HS3ST2: variants seen among roughly 807,000 people sequenced by gnomAD.
HS3ST2 encodes heparan sulfate-glucosamine 3-sulfotransferase 2.
In HS3ST2, 17 loss-of-function variants were observed where a neutral mutation model predicts 26.3. The observed-to-expected ratio is 0.65, with a 90% CI of 0.44 to 0.97. HS3ST2 has a LOEUF of 0.97. Ranked by LOEUF, HS3ST2 falls within the 50% of genes least tolerant of loss-of-function variation. The probability of loss-of-function intolerance (pLI) is 0.00; values close to 1 mark genes in which losing one functional copy is unlikely to be tolerated. For missense variants in HS3ST2, 402 were observed against 501.2 expected (o/e 0.80, Z 1.89); for synonymous variants, 237 against 219.2 (o/e 1.08, Z -0.72).
chr16:22,915,433 C>T lies in HS3ST2; in HGVS notation c.975C>T (p.Cys325=), dbSNP rs748572907. 6 of 1,613,668 alleles carry T rather than the reference C, an allele frequency of 3.7e-6. No homozygotes were observed. Among genetic ancestry groups the T allele is most frequent in the Non-Finnish European group, 4.2e-6 (5 of 1,179,882 alleles). The change falls in exon 2 of 2, where the codon TGC becomes TGT. Residue 325 remains cysteine (C), a synonymous_variant. Transcript: ENST00000261374. Reference sequence around the variant, plus strand: ...CAGAATCGAGCCTCCTGCCTCGATGCTTGGGCAAATCAAAAGGGAGAACTC... The same window carrying T: ...CAGAATCGAGCCTCCTGCCTCGATGTTTGGGCAAATCAAAAGGGAGAACTC... ...KKTESSLLPR[C]LGKSKGRTHV...
At chr16:22,819,420 G>A (rs1397828799) in intron 1 of HS3ST2, among the ~76,000 whole-genome samples, 2 of 152,102 alleles carry the variant, frequency 1.3e-5, no homozygotes, top group East Asian at 1.9e-4. Flanking sequence ...GACTCTTCAG[G>A]GTCATCTTTT....
At chr16:22,889,824 C>T (rs974165636) in intron 1 of HS3ST2, among the ~76,000 whole-genome samples, 2 of 152,112 alleles carry the variant, frequency 1.3e-5, no homozygotes, top group African/African-American at 4.8e-5. Context: ...AGGTTTCTAC[C>T]ACAACCAGGA....
At chr16:22,886,839 C>A (rs1324479809) in intron 1 of HS3ST2, among the ~76,000 whole-genome samples, 4 of 151,960 alleles carry the variant, frequency 2.6e-5, no homozygotes, top group Non-Finnish European at 4.4e-5. Flanking sequence ...TGATTCACTG[C>A]AGCCTGAAGC....
At chr16:22,907,588 A>C (rs1344978799) in intron 1 of HS3ST2, among the ~76,000 whole-genome samples, 2 of 152,254 alleles carry the variant, frequency 1.3e-5, no homozygotes, top group East Asian at 3.8e-4. Context: ...AGAGTTAAGA[A>C]TGATTCTGAA....
At chr16:22,903,847 A>G (rs1285069127) in intron 1 of HS3ST2, among the ~76,000 whole-genome samples, 1 of 152,216 alleles carries the variant, frequency 6.6e-6, no homozygotes, top group African/African-American at 2.4e-5. Context: ...TAGAAGAGGC[A>G]GAAGGACAGC....
intron 1 of HS3ST2, among the ~76,000 whole-genome samples, chr16:22,900,067 TC>T (rs1902263319): frequency 6.6e-6 from 1 of 152,194 alleles, no homozygotes; most frequent in African/African-American, 2.4e-5. Context: ...TCAGGAAGCT[TC>T]TTGCACAGGT....
intron 1 of HS3ST2, among the ~76,000 whole-genome samples, chr16:22,825,261 T>C (rs1210464762): frequency 2.6e-5 from 4 of 152,186 alleles, no homozygotes; most frequent in African/African-American, 4.8e-5. Context: ...GAAGATTCAA[T>C]GAACAATTAC....
intron 1 of HS3ST2, among the ~76,000 whole-genome samples, chr16:22,832,348 A>G (rs898647720): frequency 2.0e-5 from 3 of 152,096 alleles, no homozygotes; most frequent in Admixed American, 6.6e-5. Context: ...CCCTGATTAT[A>G]GAACTCAGCA....
intron 1 of HS3ST2, among the ~76,000 whole-genome samples, chr16:22,900,967 T>C (rs1442471235): frequency 2.0e-5 from 3 of 151,900 alleles, no homozygotes; most frequent in African/African-American, 7.3e-5. Flanking sequence ...CAGGAGCAGG[T>C]GAAGGGATAG....
chr16:22,847,802 G>GAGA (rs1901460045), intron 1 of HS3ST2, among the ~76,000 whole-genome samples: 1 of 149,932 alleles, frequency 6.7e-6, no homozygotes, highest in East Asian at 2.0e-4. Flanking sequence ...TAAGAAAGAG[G>GAGA]AGAAGGAGGA....
intron 1 of HS3ST2, among the ~76,000 whole-genome samples, chr16:22,835,760 A>G (rs1431597262): frequency 6.6e-6 from 1 of 152,216 alleles, no homozygotes; most frequent in Non-Finnish European, 1.5e-5. Context: ...GCAGTTGTAC[A>G]ACATATTGAA....
chr16:22,833,110 A>G (rs1280378618), intron 1 of HS3ST2, among the ~76,000 whole-genome samples: 1 of 152,190 alleles, frequency 6.6e-6, no homozygotes, highest in Non-Finnish European at 1.5e-5. Flanking sequence ...ATGGGCCACC[A>G]ATGGTGTTGA....
intron 1 of HS3ST2, among the ~76,000 whole-genome samples, chr16:22,882,890 G>T (rs1248424354): frequency 6.6e-6 from 1 of 151,706 alleles, no homozygotes; most frequent in East Asian, 1.9e-4. Context: ...AGTTAGCCAG[G>T]CGTGGTGGTG....
At position 22,915,557 on chromosome 16, in the gene HS3ST2, G is replaced by A. The variant is rs1339444492; in HGVS notation, c.1099G>A (p.Glu367Lys). 1.2e-6 allele frequency: 2 copies of A among 1,610,396 alleles called. No homozygotes were observed. Among genetic ancestry groups the A allele is most frequent in the Admixed American group, 3.4e-5 (2 of 59,548 alleles). Reference sequence around the variant, plus strand: ...AACCGTTGGGCAGGACTTCAGGTGGGAATAAGCCCACGAAAGGAAAGGGCT... The same window carrying A: ...AACCGTTGGGCAGGACTTCAGGTGGAAATAAGCCCACGAAAGGAAAGGGCT... Reference protein sequence around the residue: ...YETVGQDFRWE With the variant: ...YETVGQDFRWK Residue 367 changes from glutamate to lysine, a missense_variant, in exon 2 of 2, where the codon GAA becomes AAA. Glu to Lys is a moderately conservative substitution (Grantham distance 56, BLOSUM62 1). Around this residue, in one of 2 missense-constraint regions of HS3ST2, gnomAD observed 237 missense variants for 346.6 expected, o/e 0.68. Coordinates refer to ENST00000261374, the MANE Select transcript of HS3ST2 (RefSeq NM_006043.2).
At chr16:22,863,017 C>T (rs565533778) in intron 1 of HS3ST2, among the ~76,000 whole-genome samples, 1 of 152,326 alleles carries the variant, frequency 6.6e-6, no homozygotes, top group African/African-American at 2.4e-5. Flanking sequence ...CCGCTGGGGA[C>T]CATTCCTCAG....
At chr16:22,877,952 C>T (rs866834955) in intron 1 of HS3ST2, among the ~76,000 whole-genome samples, 2 of 152,042 alleles carry the variant, frequency 1.3e-5, no homozygotes, top group Non-Finnish European at 2.9e-5. Context: ...GGTGCTGATA[C>T]CTGAAGGACA....
rs71151684 is a variant in HS3ST2, at chr16:22,832,151, CT to C, written c.485+17074del. 4.7e-3 allele frequency among the ~76,000 whole-genome samples: 542 copies of C among 115,432 alleles called. 5 individuals are homozygous for C. The highest frequency in any genetic ancestry group is 0.028 in the East Asian group (108 of 3,868). The allele number at this position is 115,432 out of a possible 152,430, so 75.7% of individuals were successfully genotyped here. A position where few individuals can be genotyped will look rare whatever the true frequency, so the allele number is the denominator to read the frequency against. On this transcript the variant is annotated intron_variant, in intron 1 of 1. Transcript: ENST00000261374. The stretch of plus-strand genomic sequence containing the variant: ...GCATGTGCTACCATCCCCAGCTGAT[CT>C]TTTTTTTTTTTTTTTTTAATTTTTA...
At chr16:22,879,910 T>TG (rs1235034328) in intron 1 of HS3ST2, among the ~76,000 whole-genome samples, 1 of 152,136 alleles carries the variant, frequency 6.6e-6, no homozygotes, top group African/African-American at 2.4e-5. Context: ...CACAGGGGCT[T>TG]GGGAGGGAAA....
rs145789874 is a variant in HS3ST2, at chr16:22,915,322, C to G, written c.864C>G (p.Val288=). 2 of 1,614,020 alleles carry G rather than the reference C, an allele frequency of 1.2e-6. No individual in the cohort carries two copies. The highest frequency in any genetic ancestry group is 2.7e-5 in the African/African-American group (2 of 74,974). The change falls in exon 2 of 2, where the codon GTC becomes GTG. Residue 288 remains valine, a synonymous_variant. Coordinates refer to ENST00000261374, the MANE Select transcript of HS3ST2 (RefSeq NM_006043.2). ...ITDPAGEMGR[V]QDFLGIKRFI... The stretch of plus-strand genomic sequence containing the variant: ...ACCCGGCCGGCGAGATGGGGCGAGT[C>G]CAGGACTTCCTGGGCATTAAGAGAT...
Sources: gnomAD v4.1 joint callset for allele counts (sites outside exome capture counted in the v4.1 genomes callset) on GRCh38, gnomAD v4.1.1 for gene constraint, gnomAD v4.1.1 regional missense constraint, MANE v1.5 for transcripts, NCBI Gene and HGNC (gene_info 2026-07-23, HGNC 2026-07-21) for gene names.